Variants in CASK observed in about 807,000 individuals in gnomAD.
CASK encodes peripheral plasma membrane protein CASK.
CASK carries 4 observed loss-of-function variants against 82.9 expected under a neutral mutation model. That is an observed-to-expected ratio of 0.05 (90% CI 0.02 to 0.11). CASK has a LOEUF of 0.11. Ranked by LOEUF, CASK falls within the 10% of genes least tolerant of loss-of-function variation. CASK has a pLI of 1.00. For synonymous variants in CASK, 259 were observed against 253.5 expected, an observed-to-expected ratio of 1.02 and a Z score of -0.20; for missense variants, 358 against 720.9, an observed-to-expected ratio of 0.50 and a Z score of 5.76.
intron 8 of CASK, chrX:41,660,149 T>C (rs1303132134): frequency 5.0e-6 from 2 of 399,570 alleles, no homozygotes; most frequent in African/African-American, 5.0e-5. Flanking sequence ...GTTGTTGATG[T>C]TGCATATCTT....
chrX:41,658,771 C>T (rs750124066), intron 8 of CASK, among the ~76,000 whole-genome samples: 1 of 111,426 alleles, frequency 9.0e-6, no homozygotes, highest in Non-Finnish European at 1.9e-5. Flanking sequence ...ATGTTGCTGA[C>T]AGGCCAAGAA....
At chrX:41,641,415 T>A (rs975596773) in intron 8 of CASK, among the ~76,000 whole-genome samples, 11 of 111,824 alleles carry the variant, frequency 9.8e-5, no homozygotes, top group East Asian at 2.8e-4. Context: ...TCACTTTTTT[T>A]AAAATGACAG....
At chrX:41,811,025 G>C (rs1250719164) in intron 2 of CASK, among the ~76,000 whole-genome samples, 1 of 111,534 alleles carries the variant, frequency 9.0e-6, no homozygotes, top group Non-Finnish European at 1.9e-5. Flanking sequence ...TCAACAAGAA[G>C]AGCTAACTAC....
At chrX:41,735,876 T>C (rs1320397704) in intron 5 of CASK, among the ~76,000 whole-genome samples, 1 of 111,572 alleles carries the variant, frequency 9.0e-6, no homozygotes, top group African/African-American at 3.3e-5. Flanking sequence ...AGCCCTTCTC[T>C]GGACACTCCC....
rs777064764 is a variant in CASK at position 41,894,135 on chromosome X, TA to T, written c.59+28794del. 5.4e-5 allele frequency among the ~76,000 whole-genome samples: 6 copies of T among 111,444 alleles called. No homozygotes were observed. In the South Asian group the frequency reaches 2.2e-3, roughly 41 times the overall value. On this transcript the variant is annotated intron_variant, in intron 1 of 26. Transcript: ENST00000378163. ...ATATTCAAAGAATTAAAGGAAACTA[TA>T]CTTAAAGAAGTTTTTTAAAGTATGA...
At chrX:41,897,350 C>G (rs2072287227) in intron 1 of CASK, among the ~76,000 whole-genome samples, 1 of 111,802 alleles carries the variant, frequency 8.9e-6, no homozygotes, top group Admixed American at 9.5e-5. Context: ...TTTTCTGCAT[C>G]TATTGAGATG....
intron 1 of CASK, among the ~76,000 whole-genome samples, chrX:41,892,955 T>C (rs1232930686): frequency 1.8e-5 from 2 of 112,088 alleles, no homozygotes; most frequent in African/African-American, 6.5e-5. Flanking sequence ...AGTGATTATC[T>C]GAAGTCCAAC....
chrX:41,918,959 C>T (rs935165273), intron 1 of CASK, among the ~76,000 whole-genome samples: 6 of 111,934 alleles, frequency 5.4e-5, no homozygotes, highest in Non-Finnish European at 9.4e-5. Flanking sequence ...AAAAGCTCCC[C>T]GGATGATTCT....
At chrX:41,618,804 T>C (rs1273071475) in intron 11 of CASK, among the ~76,000 whole-genome samples, 1 of 108,359 alleles carries the variant, frequency 9.2e-6, no homozygotes, top group Non-Finnish European at 1.9e-5. Context: ...TTGCATTTGG[T>C]AATGAGGTGA....
At chrX:41,554,879 A>C (rs1464964380) in intron 20 of CASK, among the ~76,000 whole-genome samples, 1 of 112,104 alleles carries the variant, frequency 8.9e-6, no homozygotes, top group African/African-American at 3.2e-5. Context: ...TAAAAATTCT[A>C]TCTCTTGAAA....
At chrX:41,757,049 TA>T (rs2068908542) in intron 3 of CASK, among the ~76,000 whole-genome samples, 1 of 111,923 alleles carries the variant, frequency 8.9e-6, no homozygotes, top group Admixed American at 9.5e-5. Context: ...CAGAACCATA[TA>T]GGGGGATTTT....
chrX:41,522,573 C>T (rs2064652696), intron 26 of CASK, among the ~76,000 whole-genome samples: 1 of 111,880 alleles, frequency 8.9e-6, no homozygotes, highest in Admixed American at 9.5e-5. Flanking sequence ...GGAGTGCTTC[C>T]TACCAGGATG....
rs57650416 is a variant in CASK, at chrX:41,798,697, T to C, written c.173-11414A>G. 1.4e-4 allele frequency among the ~76,000 whole-genome samples: 16 copies of C among 112,225 alleles called. 1 individual carries two copies. The East Asian group carries it at 3.9e-3, about 27-fold the overall frequency. On this transcript the variant is annotated intron_variant, in intron 2 of 26. Coordinates refer to ENST00000378163, the MANE Select transcript of CASK (RefSeq NM_001367721.1). Reference sequence around the variant, plus strand: ...TAATAATATAAAAATCAGCTGGGTGTGGTAGCACATGCCTGTAATCCCAGC... The same window carrying C: ...TAATAATATAAAAATCAGCTGGGTGCGGTAGCACATGCCTGTAATCCCAGC...
At chrX:41,894,346 T>C (rs1164752892) in intron 1 of CASK, among the ~76,000 whole-genome samples, 1 of 110,868 alleles carries the variant, frequency 9.0e-6, no homozygotes, top group Non-Finnish European at 1.9e-5. Context: ...GACTATCCAG[T>C]ATGAAAACCA....
intron 11 of CASK, among the ~76,000 whole-genome samples, chrX:41,622,171 T>C (rs1392071246): frequency 1.8e-5 from 2 of 112,417 alleles, no homozygotes; most frequent in Admixed American, 1.9e-4. Context: ...GATTTCAGAA[T>C]TTATTTCACA....
intron 21 of CASK, among the ~76,000 whole-genome samples, chrX:41,543,385 G>A (rs754042473): frequency 2.7e-5 from 3 of 111,611 alleles, no homozygotes; most frequent in East Asian, 5.6e-4. Context: ...GAGCCTTTTG[G>A]ATGGCTATTG....
chrX:41,770,257 CATCTATCTATCTATCT>C (rs751579544), intron 3 of CASK, among the ~76,000 whole-genome samples: 2 of 86,539 alleles, frequency 2.3e-5, no homozygotes, highest in African/African-American at 9.1e-5. Flanking sequence ...ATCTATCTAT[CATCTATCTATCTATCT>C]ATCTATCTAT....
intron 5 of CASK, chrX:41,729,781 AATATATATAT>A (rs55635208): frequency 5.3e-5 from 2 of 38,007 alleles, no homozygotes; most frequent in Non-Finnish European, 9.1e-5. Flanking sequence ...AAAAAAAAAA[AATATATATAT>A]ATATATATAT....
intron 1 of CASK, among the ~76,000 whole-genome samples, chrX:41,888,655 ATG>A (rs770708797): frequency 5.8e-5 from 6 of 103,500 alleles, no homozygotes; most frequent in African/African-American, 1.4e-4. Flanking sequence ...ATGTGTATAT[ATG>A]TGTGTGTATA....
Sources: allele counts gnomAD v4.1 joint callset (sites outside exome capture counted in the v4.1 genomes callset), GRCh38; gene constraint gnomAD v4.1.1; transcripts MANE v1.5; gene names NCBI Gene and HGNC (gene_info 2026-07-23, HGNC 2026-07-21).